The following CDKN2A variants were observed in gnomAD, a reference collection of about 807,000 sequenced individuals.
The protein encoded by CDKN2A is cyclin dependent kinase inhibitor 2A.
Under a neutral mutation model 11.1 loss-of-function variants are expected in CDKN2A, and 3 were observed. The ratio of observed to expected loss-of-function variants is 0.27; its 90% CI spans 0.12 to 0.70. CDKN2A has a LOEUF of 0.70. CDKN2A is among the 30% of genes least tolerant of loss of function. The pLI is 0.77. For missense variants in CDKN2A, 265 were observed against 233.6 expected (o/e 1.13, Z -0.88); for synonymous variants, 122 against 108.1 (o/e 1.13, Z -0.80).
intron 2 of CDKN2A, among the ~76,000 whole-genome samples, chr9:21,990,641 A>AGAGAGAGAGAGAGAGAGG (rs1563900416): frequency 6.6e-6 from 1 of 151,038 alleles, no homozygotes; most frequent in African/African-American, 2.5e-5. Flanking sequence ...AGAGAGAGAG[A>AGAGAGAGAGAGAGAGAGG]GAGAGAGAGA....
chr9:21,994,800 C>G (rs551951319), intron 1 of CDKN2A: 1 of 178,390 alleles, frequency 5.6e-6, no homozygotes, highest in South Asian at 1.8e-4. Flanking sequence ...TAGCTACATC[C>G]GTCACCTGAC....
upstream of CDKN2A, among the ~76,000 whole-genome samples, chr9:21,978,506 T>C (rs954630798): frequency 6.6e-6 from 1 of 152,218 alleles, no homozygotes; most frequent in Non-Finnish European, 1.5e-5. Context: ...TAAAATATGA[T>C]AATGTATGTC....
chr9:21,993,994 G>T (rs1405645063), exon 2 of CDKN2A: 3 of 874,234 alleles, frequency 3.4e-6, no homozygotes, highest in Non-Finnish European at 3.7e-6. Flanking sequence ...TGTCTAAGTC[G>T]TTGTAACCCG....
rs550814027 is a variant in CDKN2A, at chr9:21,994,560, G to A, written c.-176+261C>T. 2.4e-4 allele frequency: 272 copies of A among 1,136,278 alleles called. No homozygotes were observed. The African/African-American group carries it at 4.0e-3, about 17-fold the overall frequency. 70.4% of individuals were successfully genotyped at this position (1,136,278 alleles called of 1,614,324 possible). On this transcript the variant is annotated intron_variant, in intron 1 of 3. Transcript: ENST00000494262. Reference sequence around the variant, plus strand: ...TCCCACCCGGACCTCCAAGATCTCGGAACGGCTCTGAGCCCTGCGCACGCG... The same window carrying A: ...TCCCACCCGGACCTCCAAGATCTCGAAACGGCTCTGAGCCCTGCGCACGCG...
Position 21,974,347 on chromosome 9 carries a change from TAA to T in CDKN2A, c.150+329_150+330del. 5 of 1,443,286 alleles carry T rather than the reference TAA, an allele frequency of 3.5e-6. No homozygotes were observed. The highest frequency in any genetic ancestry group is 4.6e-6 in the Non-Finnish European group (5 of 1,081,046). 89.4% of individuals were successfully genotyped at this position (1,443,286 alleles called of 1,614,324 possible). A position where few individuals can be genotyped will look rare whatever the true frequency, so the allele number is the denominator to read the frequency against. The stretch of plus-strand genomic sequence containing the variant: ...AGTCCCAGCACATCTTACATTTCTT[TAA>T]GACTCCCTTTTTATCCCAAACGTTC... On this transcript the variant is annotated intron_variant, in intron 1 of 2. Transcript: ENST00000304494. This position sits in a 1 kb window ranked among gnomAD's most constrained non-coding sequence, Gnocchi z 5.2.
Position 21,974,777 on chromosome 9 carries a change from G to C in CDKN2A, c.51C>G (p.Ala17=), listed in dbSNP as rs764362225. Residue 17 remains alanine (A), a synonymous_variant, in exon 1 of 3, where the codon GCC becomes GCG. Coordinates refer to ENST00000304494, the MANE Select transcript of CDKN2A (RefSeq NM_000077.5). This position sits in a 1 kb window ranked among gnomAD's most constrained non-coding sequence, Gnocchi z 5.2. ...CTACCCGACCCCGGGCCGCGGCCGT[G>C]GCCAGCCAGTCAGCCGAAGGCTCCA... ...SSMEPSADWL[A]TAAARGRVEE... is the part of the protein sequence containing the mutation. 3 of 1,606,690 alleles carry C rather than the reference G, an allele frequency of 1.9e-6. No individual in the cohort carries two copies. The African/African-American group carries it at 4.0e-5, about 21-fold the overall frequency.
At chr9:21,969,164 T>TAGG (rs1300619783) in intron 2 of CDKN2A, among the ~76,000 whole-genome samples, 1 of 152,118 alleles carries the variant, frequency 6.6e-6, no homozygotes, top group Non-Finnish European at 1.5e-5. Flanking sequence ...CCCAGTACTT[T>TAGG]AGGAGGAGGA....
chr9:21,970,121 C>T (rs1819636554), intron 2 of CDKN2A: 3 of 262,442 alleles, frequency 1.1e-5, no homozygotes, highest in South Asian at 1.7e-4. Context: ...GTAATGTTGG[C>T]AGTTTCAGCA....
upstream of CDKN2A, among the ~76,000 whole-genome samples, chr9:21,976,822 C>T (rs1010138547): frequency 1.3e-5 from 2 of 152,210 alleles, no homozygotes; most frequent in African/African-American, 4.8e-5. Flanking sequence ...AAAAGTTAAA[C>T]AGCACTAAAG....
At chr9:21,986,620 C>T (rs565740742) in intron 2 of CDKN2A, among the ~76,000 whole-genome samples, 2 of 152,002 alleles carry the variant, frequency 1.3e-5, no homozygotes, top group Non-Finnish European at 2.9e-5. Flanking sequence ...AAAAATGAAA[C>T]ATTGAAAACA....
chr9:21,977,283 A>G (rs1416759340), upstream of CDKN2A, among the ~76,000 whole-genome samples: 4 of 152,220 alleles, frequency 2.6e-5, no homozygotes, highest in Non-Finnish European at 5.9e-5. Context: ...GAGGAGGAAG[A>G]AAGTGGTTGC....
At chr9:21,971,813 C>T (rs898891865) in intron 1 of CDKN2A, among the ~76,000 whole-genome samples, 1 of 152,102 alleles carries the variant, frequency 6.6e-6, no homozygotes, top group Non-Finnish European at 1.5e-5. Context: ...GATCTTTGAA[C>T]ACAATGGGGA....
rs759402127 is a variant in CDKN2A at position 21,968,291 on chromosome 9, T to G, written c.458-49A>C. The stretch of plus-strand genomic sequence containing the variant: ...GGCGTTAGAAACCTGAGGTCAAAGA[T>G]GTGTGGCACATCCCGCCCTCCTCTC... On this transcript the variant is annotated intron_variant, in intron 2 of 2. Transcript: ENST00000304494. The surrounding 1 kb of genome is among the most constrained non-coding windows in gnomAD (Gnocchi z 4.7). 1.2e-6 allele frequency: 2 copies of G among 1,605,940 alleles called. No homozygotes were observed. Among genetic ancestry groups the G allele is most frequent in the South Asian group, 2.2e-5 (2 of 90,882 alleles).
Position 21,968,862 on chromosome 9 carries a change from G to T in CDKN2A, c.458-620C>A. The T allele has an allele frequency of 4.6e-6, 6 of 1,313,008 alleles. No homozygotes were observed. In the Admixed American group the frequency reaches 9.9e-5, roughly 22 times the overall value. The allele number at this position is 1,313,008 out of a possible 1,614,324, so 81.3% of individuals were successfully genotyped here. A position where few individuals can be genotyped will look rare whatever the true frequency, so the allele number is the denominator to read the frequency against. Reference sequence around the variant, plus strand: ...GCGTATGGGCTCCAGCTCGCCGTTCGGTTCTCCCGAGGCAGCATTTACACT... The same window carrying T: ...GCGTATGGGCTCCAGCTCGCCGTTCTGTTCTCCCGAGGCAGCATTTACACT... On this transcript the variant is annotated intron_variant, in intron 2 of 2. Coordinates refer to ENST00000304494, the MANE Select transcript of CDKN2A (RefSeq NM_000077.5). The surrounding 1 kb of genome is among the most constrained non-coding windows in gnomAD (Gnocchi z 4.7).
At chr9:21,986,910 T>C (rs969790713) in intron 2 of CDKN2A, among the ~76,000 whole-genome samples, 1 of 152,084 alleles carries the variant, frequency 6.6e-6, no homozygotes, top group African/African-American at 2.4e-5. Context: ...AGCTGCTGTT[T>C]CTTTAAATTG....
intron 2 of CDKN2A, among the ~76,000 whole-genome samples, chr9:21,980,490 A>G (rs1820144677): frequency 6.6e-6 from 1 of 152,216 alleles, no homozygotes; most frequent in African/African-American, 2.4e-5. Flanking sequence ...TTAAATAAAC[A>G]TAATAAAACT....
At chr9:21,990,373 A>T (rs1820398617) in intron 2 of CDKN2A, among the ~76,000 whole-genome samples, 1 of 152,104 alleles carries the variant, frequency 6.6e-6, no homozygotes, top group Admixed American at 6.5e-5. Flanking sequence ...CGTGTATGAC[A>T]CTTAAACAAC....
intron 2 of CDKN2A, among the ~76,000 whole-genome samples, chr9:21,981,596 G>A (rs146813698): frequency 6.6e-6 from 1 of 150,478 alleles, no homozygotes; most frequent in African/African-American, 2.4e-5. Flanking sequence ...CCCTGTCCTA[G>A]TTCTACCACC....
chr9:21,968,455 C>T lies in CDKN2A; in HGVS notation c.458-213G>A, dbSNP rs1819518047. The T allele has an allele frequency of 2.5e-5, 37 of 1,486,416 alleles. 1 individual carries two copies. The South Asian group carries it at 4.8e-4, about 19-fold the overall frequency. 92.1% of individuals were successfully genotyped at this position (1,486,416 alleles called of 1,614,324 possible). ...ACTGCCCGCCTGGCTGCTCCAGGCG[C>T]GCCGACCGCTCAAGCGCTCCAGGTC... On this transcript the variant is annotated intron_variant, in intron 2 of 2. Coordinates refer to ENST00000304494, the MANE Select transcript of CDKN2A (RefSeq NM_000077.5). This position sits in a 1 kb window ranked among gnomAD's most constrained non-coding sequence, Gnocchi z 4.7.
Sources: allele counts gnomAD v4.1 joint callset (sites outside exome capture counted in the v4.1 genomes callset), GRCh38; gene constraint gnomAD v4.1.1; non-coding constraint Gnocchi (gnomAD v3.1); transcripts MANE v1.5; gene names NCBI Gene and HGNC (gene_info 2026-07-23, HGNC 2026-07-21).